ADAMTS12: variants seen among roughly 807,000 people sequenced by gnomAD.
The protein encoded by ADAMTS12 is A disintegrin and metalloproteinase with thrombospondin motifs 12.
A neutral mutation model predicts 167.8 loss-of-function variants in ADAMTS12; 118 were observed. The observed-to-expected ratio is 0.70, with a 90% CI of 0.61 to 0.82. The LOEUF (loss-of-function observed/expected upper bound fraction) is 0.82, where lower values mean the gene tolerates loss of function less well. Ranked by LOEUF, ADAMTS12 falls within the 40% of genes least tolerant of loss-of-function variation. ADAMTS12 has a pLI of 0.00. For synonymous variants in ADAMTS12, 704 were observed against 716.9 expected (o/e 0.98, Z 0.29); for missense variants, 1,916 against 1,998.8 (o/e 0.96, Z 0.79).
In ADAMTS12 at chr5:33,648,874, T is replaced by G; in HGVS notation, c.1427A>C (p.His476Pro). 6.2e-7 allele frequency: 1 copy of G among 1,614,062 alleles called. No homozygotes were observed. The highest frequency in any genetic ancestry group is 1.7e-5 in the Admixed American group (1 of 60,018). Residue 476 changes from histidine to proline, a missense_variant, in exon 9 of 24, where the codon CAC (histidine) becomes CCC (proline). Coordinates refer to ENST00000504830, the MANE Select transcript of ADAMTS12 (RefSeq NM_030955.4). Reference sequence around the variant, plus strand: ...GGGTCCATATTGTAGCTGGCACTGGTGGTGAACATCATAGATCACTCCGGG... The same window carrying G: ...GGGTCCATATTGTAGCTGGCACTGGGGGTGAACATCATAGATCACTCCGGG... ...IAPGVIYDVH[H>P]QCQLQYGPNA...
At chr5:33,804,698 T>A (rs558240536) in intron 2 of ADAMTS12, among the ~76,000 whole-genome samples, 2 of 152,250 alleles carry the variant, frequency 1.3e-5, no homozygotes, top group South Asian at 4.1e-4. Flanking sequence ...AAAAGAATGA[T>A]AGAGCCAAAA....
chr5:33,870,953 C>G (rs1236165521), intron 2 of ADAMTS12, among the ~76,000 whole-genome samples: 1 of 152,102 alleles, frequency 6.6e-6, no homozygotes, highest in Non-Finnish European at 1.5e-5. Context: ...CAGTTAAACC[C>G]CTTTTCTTTA....
At chr5:33,757,663 G>A (rs1745213236) in intron 2 of ADAMTS12, among the ~76,000 whole-genome samples, 1 of 152,170 alleles carries the variant, frequency 6.6e-6, no homozygotes, top group African/African-American at 2.4e-5. Flanking sequence ...TGGACAAAAT[G>A]GGTTCTAAAA....
chr5:33,594,268 T>A (rs548129547), intron 17 of ADAMTS12, among the ~76,000 whole-genome samples: 1 of 152,344 alleles, frequency 6.6e-6, no homozygotes, highest in African/African-American at 2.4e-5. Flanking sequence ...AAGACATGCC[T>A]TTCCCCTTCT....
chr5:33,833,994 C>T (rs543549978), intron 2 of ADAMTS12, among the ~76,000 whole-genome samples: 1 of 151,926 alleles, frequency 6.6e-6, no homozygotes, highest in Non-Finnish European at 1.5e-5. Flanking sequence ...AATCCAAGAT[C>T]AAAGTGTAGG....
At position 33,530,234 on chromosome 5, in the gene ADAMTS12, C is replaced by T. The variant is rs77053368; in HGVS notation, c.4607-2868G>A. 9.6e-3 allele frequency among the ~76,000 whole-genome samples: 1,467 copies of T among 152,142 alleles called. 25 individuals are homozygous for T. Among genetic ancestry groups the T allele is most frequent in the African/African-American group, 0.034 (1,426 of 41,510 alleles). On this transcript the variant is annotated intron_variant, in intron 23 of 23. Coordinates refer to ENST00000504830, the MANE Select transcript of ADAMTS12 (RefSeq NM_030955.4). ...AGCCACTGTGCCTGGCCTTGTTTTT[C>T]TTTTTGTTTCAGATTTTCTCCTCAA...
chr5:33,751,328 T>C (rs1333854764), intron 3 of ADAMTS12, 76 bp downstream of exon 3: 3 of 1,582,160 alleles, frequency 1.9e-6, no homozygotes, highest in African/African-American at 1.4e-5. Context: ...TGAGTAAGAA[T>C]AGGTCATGTT....
chr5:33,661,932 C>T lies in ADAMTS12; in HGVS notation c.1024G>A (p.Ala342Thr). ...CTGGTGTACCTGGTGAGAAGGACAG[C>T]CACGTCGTGATGAACAGGATTGAGG... ...SDLNPVHHDV[A>T]VLLTRKDICA... is the part of the protein sequence containing the mutation. Residue 342 changes from alanine (A) to threonine (T), a missense_variant, in exon 6 of 24, where the codon GCT (alanine) becomes ACT (threonine). By Grantham distance (58) the Ala-to-Thr change is moderately conservative. Coordinates refer to ENST00000504830, the MANE Select transcript of ADAMTS12 (RefSeq NM_030955.4). 1.9e-6 allele frequency: 3 copies of T among 1,613,322 alleles called. No homozygotes were observed. Among genetic ancestry groups the T allele is most frequent in the Non-Finnish European group, 2.5e-6 (3 of 1,179,522 alleles).
intron 2 of ADAMTS12, among the ~76,000 whole-genome samples, chr5:33,804,696 G>T (rs1425669706): frequency 1.3e-5 from 2 of 152,202 alleles, no homozygotes; most frequent in African/African-American, 4.8e-5. Flanking sequence ...TGAAAAGAAT[G>T]ATAGAGCCAA....
chr5:33,662,114 C>G, intron 5 of ADAMTS12, 74 bp from the exon 6 acceptor site: 1 of 1,562,916 alleles, frequency 6.4e-7, no homozygotes, highest in Non-Finnish European at 8.7e-7. Context: ...AGGCATTCAT[C>G]TCCAGAGGTG....
chr5:33,882,351 G>A (rs535791619), intron 1 of ADAMTS12, among the ~76,000 whole-genome samples: 50 of 152,238 alleles, frequency 3.3e-4, no homozygotes, highest in Non-Finnish European at 5.6e-4. Flanking sequence ...ATGATAAGGA[G>A]ATATGTCAGG....
chr5:33,560,132 T>G (rs1256490798), intron 20 of ADAMTS12, among the ~76,000 whole-genome samples: 1 of 152,206 alleles, frequency 6.6e-6, no homozygotes, highest in African/African-American at 2.4e-5. Context: ...TAACCCAAAC[T>G]TAACTTTTCT....
At chr5:33,570,982 A>C (rs1240225380) in intron 19 of ADAMTS12, among the ~76,000 whole-genome samples, 1 of 151,728 alleles carries the variant, frequency 6.6e-6, no homozygotes, top group Middle Eastern at 3.4e-3. Context: ...ACCAACAAAG[A>C]TCAAAAGAGA....
intron 9 of ADAMTS12, among the ~76,000 whole-genome samples, chr5:33,646,134 G>A (rs1189094933): frequency 6.6e-6 from 1 of 152,114 alleles, no homozygotes; most frequent in Non-Finnish European, 1.5e-5. Context: ...TGCAAAAGAG[G>A]AGCTGACCAG....
At chr5:33,806,796 A>G (rs966320752) in intron 2 of ADAMTS12, among the ~76,000 whole-genome samples, 5 of 152,110 alleles carry the variant, frequency 3.3e-5, no homozygotes, top group Admixed American at 2.0e-4. Context: ...AACGCATCCT[A>G]TTTATCCTGT....
intron 4 of ADAMTS12, among the ~76,000 whole-genome samples, chr5:33,683,496 C>T (rs974942129): frequency 6.6e-6 from 1 of 152,170 alleles, no homozygotes; most frequent in African/African-American, 2.4e-5. Context: ...TATTCCAATT[C>T]TATTTCTAAC....
chr5:33,845,745 T>G (rs1165870792), intron 2 of ADAMTS12, among the ~76,000 whole-genome samples: 2 of 152,214 alleles, frequency 1.3e-5, no homozygotes, highest in Non-Finnish European at 2.9e-5. Context: ...ATCAGAAGTA[T>G]GTGACACTTG....
intron 12 of ADAMTS12, among the ~76,000 whole-genome samples, chr5:33,636,317 C>T (rs959330348): frequency 6.6e-6 from 1 of 152,176 alleles, no homozygotes; most frequent in Non-Finnish European, 1.5e-5. Context: ...CAAGAATGCG[C>T]AGGATATACA....
chr5:33,706,055 A>G (rs1343852779), intron 3 of ADAMTS12, among the ~76,000 whole-genome samples: 2 of 152,300 alleles, frequency 1.3e-5, no homozygotes, highest in East Asian at 3.9e-4. Flanking sequence ...AAAGCAATCT[A>G]CAGATTCAAT....
Sources: allele counts gnomAD v4.1 joint callset (sites outside exome capture counted in the v4.1 genomes callset), GRCh38; gene constraint gnomAD v4.1.1; transcripts MANE v1.5; gene names NCBI Gene and HGNC (gene_info 2026-07-23, HGNC 2026-07-21).